TANK: variants seen among roughly 807,000 people sequenced by gnomAD.
TANK encodes TRAF family member associated NFKB activator.
TANK carries 15 observed loss-of-function variants against 43.6 expected under a neutral mutation model. That is an observed-to-expected ratio of 0.34 (90% CI 0.23 to 0.53). The LOEUF is 0.53. Among genes scored for constraint, TANK ranks in the 20% least tolerant of loss-of-function variants. The pLI is 0.94. For synonymous variants in TANK, 162 were observed against 178.2 expected (o/e 0.91, Z 0.73); for missense variants, 417 against 498.6 (o/e 0.84, Z 1.56).
intron 3 of TANK, 102 bp from the exon 4 acceptor site, chr2:161,204,573 G>A: frequency 4.8e-6 from 5 of 1,052,042 alleles, no homozygotes; most frequent in South Asian, 1.5e-5. Flanking sequence ...ACCTTAAAAT[G>A]TATTCTCTTT....
In TANK at chr2:161,231,501, C is replaced by G; in HGVS notation, c.1051C>G (p.Pro351Ala). The G allele has an allele frequency of 6.2e-7, 1 of 1,613,574 alleles. No individual in the cohort carries two copies. Residue 351 changes from proline to alanine, a missense_variant, in exon 7 of 8, where the codon CCT becomes GCT. Coordinates refer to ENST00000392749, the MANE Select transcript of TANK (RefSeq NM_001199135.3). ...SFPLLDPSDA[P>A]FPSLDSPGKA... ...CCCACTTCTGGACCCATCTGATGCA[C>G]CTTTTCCCTCACTCGATTCCCCGGG...
intron 1 of TANK, among the ~76,000 whole-genome samples, chr2:161,146,930 C>T (rs2105220596): frequency 6.6e-6 from 1 of 152,248 alleles, no homozygotes; most frequent in Middle Eastern, 3.4e-3. Context: ...GAAGGAAAGA[C>T]TAAGTCTGCT....
chr2:161,167,611 T>TGTTG (rs1204933341), intron 1 of TANK, among the ~76,000 whole-genome samples: 2 of 151,832 alleles, frequency 1.3e-5, no homozygotes, highest in Non-Finnish European at 2.9e-5. Context: ...ACCAGGTTTT[T>TGTTG]GTTTGTTTGT....
chr2:161,139,499 T>C (rs988786576), intron 1 of TANK, among the ~76,000 whole-genome samples: 3 of 152,186 alleles, frequency 2.0e-5, no homozygotes, highest in African/African-American at 4.8e-5. Context: ...AAGAGAGTCA[T>C]TGCATTTTTA....
At chr2:161,198,234 A>G (rs1229949137) in intron 2 of TANK, among the ~76,000 whole-genome samples, 2 of 152,212 alleles carry the variant, frequency 1.3e-5, no homozygotes, top group African/African-American at 4.8e-5. Flanking sequence ...ACCAAATCCA[A>G]ACACCTCAGA....
At position 161,143,803 on chromosome 2, in the gene TANK, T is replaced by C. The variant is rs191403045; in HGVS notation, c.-50+6740T>C. On this transcript the variant is annotated intron_variant, in intron 1 of 7. Coordinates refer to the TANK transcript ENST00000259075. ...TTTTTGTTGTGTCTCTGCCAGGTTT[T>C]GGTATCAGGATGATGCTGGCCTCAT... 2.7e-3 allele frequency among the ~76,000 whole-genome samples: 416 copies of C among 152,328 alleles called. 4 individuals carry two copies. Among genetic ancestry groups the C allele is most frequent in the African/African-American group, 9.7e-3 (404 of 41,568 alleles).
chr2:161,143,635 T>C (rs927881853), intron 1 of TANK, among the ~76,000 whole-genome samples: 1 of 152,212 alleles, frequency 6.6e-6, no homozygotes. Context: ...TTGTGTATGT[T>C]GAACCAACCT....
chr2:161,147,751 C>A (rs566741112), intron 1 of TANK, among the ~76,000 whole-genome samples: 2 of 152,006 alleles, frequency 1.3e-5, no homozygotes, highest in African/African-American at 4.8e-5. Context: ...TCCTTCTAGT[C>A]GGCCATCATG....
intron 2 of TANK, among the ~76,000 whole-genome samples, chr2:161,182,589 G>A (rs1437383260): frequency 6.6e-6 from 1 of 151,948 alleles, no homozygotes; most frequent in East Asian, 1.9e-4. Flanking sequence ...GGGGAGTTGG[G>A]GTGCACTACC....
chr2:161,160,481 A>T lies in TANK; in HGVS notation c.-55A>T. 2.4e-6 allele frequency: 3 copies of T among 1,244,252 alleles called. No individual in the cohort carries two copies. The highest frequency in any genetic ancestry group is 3.0e-6 in the Non-Finnish European group (3 of 993,488). 77.1% of individuals were successfully genotyped at this position (1,244,252 alleles called of 1,614,324 possible). A position where few individuals can be genotyped will look rare whatever the true frequency, so the allele number is the denominator to read the frequency against. ...GAGAGGGAACGCAGCTGAAAGCGTGAACTGTGTGAGTAAGAAACTTTGTGA... is the reference window on the plus strand; with the variant it reads ...GAGAGGGAACGCAGCTGAAAGCGTGTACTGTGTGAGTAAGAAACTTTGTGA... On this transcript the variant is annotated 5_prime_UTR_variant, in exon 1 of 8. Transcript: ENST00000392749.
intron 1 of TANK, chr2:161,139,664 T>G (rs1346108334): frequency 1.0e-6 from 1 of 984,382 alleles, no homozygotes; most frequent in Admixed American, 6.1e-5. Context: ...TTTCCTCTTT[T>G]TCTCTCCAAT....
At chr2:161,197,365 A>T (rs963491248) in intron 2 of TANK, 4 of 152,164 alleles carry the variant, frequency 2.6e-5, no homozygotes, top group African/African-American at 9.7e-5. Flanking sequence ...GAGATACCAT[A>T]CTGATTTCTC....
intron 2 of TANK, among the ~76,000 whole-genome samples, chr2:161,198,544 C>G (rs1361212565): frequency 2.0e-5 from 3 of 152,226 alleles, no homozygotes; most frequent in Non-Finnish European, 4.4e-5. Flanking sequence ...TGGCCTCACT[C>G]CCACGGCTGT....
intron 2 of TANK, among the ~76,000 whole-genome samples, chr2:161,193,993 A>G (rs1574015878): frequency 6.6e-6 from 1 of 152,204 alleles, no homozygotes; most frequent in South Asian, 2.1e-4. Context: ...ACAAGACTCC[A>G]TAATATGGAA....
At chr2:161,157,064 G>C (rs1684247071), upstream of TANK, among the ~76,000 whole-genome samples, 1 of 150,690 alleles carries the variant, frequency 6.6e-6, no homozygotes, top group African/African-American at 2.5e-5. Flanking sequence ...TAATGGGAGA[G>C]ATTAGGGCAA....
intron 2 of TANK, among the ~76,000 whole-genome samples, chr2:161,195,608 G>T (rs927818689): frequency 4.6e-5 from 7 of 152,088 alleles, no homozygotes; most frequent in African/African-American, 1.7e-4. Context: ...TTCTAGGAGC[G>T]TAAGGAGCCA....
chr2:161,200,962 G>C (rs1410226890), intron 2 of TANK: 1 of 265,060 alleles, frequency 3.8e-6, no homozygotes, highest in East Asian at 1.8e-4. Context: ...ATATGTGCCA[G>C]GCACTCTGTA....
chr2:161,163,957 T>G (rs562899727), intron 1 of TANK, among the ~76,000 whole-genome samples: 1 of 152,328 alleles, frequency 6.6e-6, no homozygotes, highest in Admixed American at 6.5e-5. Context: ...CCTTCAAGAA[T>G]ATGACCTGAG....
intron 1 of TANK, among the ~76,000 whole-genome samples, chr2:161,146,301 A>C (rs1683909013): frequency 6.6e-6 from 1 of 152,028 alleles, no homozygotes; most frequent in Admixed American, 6.6e-5. Context: ...TTTATTACCC[A>C]CCTTCTGAAG....
Sources: allele counts gnomAD v4.1 joint callset (sites outside exome capture counted in the v4.1 genomes callset), GRCh38; gene constraint gnomAD v4.1.1; transcripts MANE v1.5; gene names NCBI Gene and HGNC (gene_info 2026-07-23, HGNC 2026-07-21).